The following NDEL1 variants were observed in gnomAD, a reference collection of about 807,000 sequenced individuals.
NDEL1 encodes the protein nudE neurodevelopment protein 1 like 1.
In NDEL1, 9 loss-of-function variants were observed where a neutral mutation model predicts 45.7. The observed-to-expected ratio is 0.20, with a 90% CI of 0.12 to 0.34. The LOEUF is 0.34. Among genes scored for constraint, NDEL1 ranks in the 10% least tolerant of loss-of-function variants. The pLI is 1.00. For synonymous variants in NDEL1, 133 were observed against 158.6 expected (o/e 0.84, Z 1.21); for missense variants, 306 against 406.2 (o/e 0.75, Z 2.12).
intron 1 of NDEL1, among the ~76,000 whole-genome samples, chr17:8,420,790 T>C (rs1307884357): frequency 6.6e-6 from 1 of 152,228 alleles, no homozygotes; most frequent in African/African-American, 2.4e-5. Flanking sequence ...GAATCATCAA[T>C]GTTAGGGATG....
chr17:8,462,159 G>T (rs1201187295), intron 8 of NDEL1, among the ~76,000 whole-genome samples: 3 of 151,816 alleles, frequency 2.0e-5, no homozygotes, highest in Admixed American at 2.0e-4. Context: ...TTTACTTCCT[G>T]AGCTGAACCC....
In NDEL1 at chr17:8,428,883, C is replaced by T. The variant is rs892364431; in HGVS notation, c.-12-15377C>T. 1.2e-4 allele frequency among the ~76,000 whole-genome samples: 18 copies of T among 152,056 alleles called. No individual in the cohort carries two copies. In the South Asian group the frequency reaches 3.1e-3, roughly 26 times the overall value. On this transcript the variant is annotated intron_variant, in intron 1 of 4. Coordinates refer to the NDEL1 transcript ENST00000582812. ...AGAGACGGGGTTTCACCGTGTTAGC[C>T]AAGATGGTCTCGATCTCCTGACCTT...
At chr17:8,448,348 A>G (rs140811697) in intron 4 of NDEL1, among the ~76,000 whole-genome samples, 453 of 152,298 alleles carry the variant, frequency 3.0e-3, no homozygotes, top group Admixed American at 4.6e-3. Context: ...TGGGAATTTA[A>G]AAGAATGTAT....
At chr17:8,470,199 G>C (rs2151747677), downstream of NDEL1, among the ~76,000 whole-genome samples, 1 of 152,272 alleles carries the variant, frequency 6.6e-6, no homozygotes, top group South Asian at 2.1e-4. The surrounding 1 kb of genome is among the most constrained non-coding windows in gnomAD (Gnocchi z 4.2). Context: ...CTGTCTAGCT[G>C]AAGAGTGCCT....
chr17:8,442,778 T>G (rs1282971971), intron 1 of NDEL1, among the ~76,000 whole-genome samples: 1 of 2,152 alleles, frequency 4.6e-4, no homozygotes. Context: ...ATTTATTTAC[T>G]TTTTTTTTTT....
intron 1 of NDEL1, among the ~76,000 whole-genome samples, chr17:8,418,757 TTCCCTCCC>T (rs748595051): frequency 4.0e-5 from 6 of 149,472 alleles, no homozygotes; most frequent in Non-Finnish European, 8.9e-5. Flanking sequence ...CCTTCCTTCC[TTCCCTCCC>T]TCCCTCCCTA....
intron 1 of NDEL1, among the ~76,000 whole-genome samples, chr17:8,416,437 G>A (rs906935181): frequency 2.0e-5 from 3 of 152,116 alleles, no homozygotes; most frequent in African/African-American, 7.2e-5. Context: ...TGAAGGGTCT[G>A]GCTTGATTTA....
chr17:8,471,985 C>G (rs746755177), downstream of NDEL1, among the ~76,000 whole-genome samples: 6 of 152,150 alleles, frequency 3.9e-5, no homozygotes, highest in Non-Finnish European at 7.3e-5. Context: ...CAAGGGGAGA[C>G]CTGCCTGGAA....
At position 8,440,929 on chromosome 17, in the gene NDEL1, A is replaced by T. The variant is rs80168262; in HGVS notation, c.-12-3331A>T. Among the ~76,000 whole-genome samples, 1,071 of 152,332 alleles carry T rather than the reference A, an allele frequency of 7.0e-3. 7 individuals are homozygous for T. The highest frequency in any genetic ancestry group is 0.011 in the Non-Finnish European group (719 of 68,046). On this transcript the variant is annotated intron_variant, in intron 1 of 8. Coordinates refer to ENST00000334527, the MANE Select transcript of NDEL1 (RefSeq NM_030808.5). Reference sequence around the variant, plus strand: ...GTGGACTCCTGAATAACATTTAGAGATTCAAAACAATCCTAACTCTTTTCG... The same window carrying T: ...GTGGACTCCTGAATAACATTTAGAGTTTCAAAACAATCCTAACTCTTTTCG...
chr17:8,431,505 C>T (rs1908997911), upstream of NDEL1: 2 of 152,152 alleles, frequency 1.3e-5, no homozygotes, highest in South Asian at 4.1e-4. Context: ...GTGCTCTAGC[C>T]CAATACATGG....
At chr17:8,436,875 C>T (rs1909381716) in intron 1 of NDEL1, among the ~76,000 whole-genome samples, 1 of 152,130 alleles carries the variant, frequency 6.6e-6, no homozygotes, top group Non-Finnish European at 1.5e-5. Flanking sequence ...TACTTAGGTT[C>T]AACCAACTGG....
At chr17:8,429,491 T>C (rs1200438607) in intron 1 of NDEL1, among the ~76,000 whole-genome samples, 2 of 152,028 alleles carry the variant, frequency 1.3e-5, no homozygotes, top group Non-Finnish European at 2.9e-5. Flanking sequence ...GGACTTTGAG[T>C]ATCAGGGAAG....
At chr17:8,435,114 G>A (rs1292659100), upstream of NDEL1, among the ~76,000 whole-genome samples, 7 of 152,058 alleles carry the variant, frequency 4.6e-5, no homozygotes, top group South Asian at 1.2e-3. Context: ...AAGATGGATT[G>A]TAAGAGGTAT....
At chr17:8,432,359 A>AATATATAT (rs1567722425), upstream of NDEL1, among the ~76,000 whole-genome samples, 3 of 59,820 alleles carry the variant, frequency 5.0e-5, no homozygotes, top group East Asian at 3.7e-4. Flanking sequence ...TATAAATATA[A>AATATATAT]ATATATATAT....
At chr17:8,432,736 GGACTGTAAGGTGATGTCTACT>G (rs1380809335), upstream of NDEL1, among the ~76,000 whole-genome samples, 1 of 151,994 alleles carries the variant, frequency 6.6e-6, no homozygotes, top group African/African-American at 2.4e-5. Context: ...AGCCAAATTG[GGACTGTAAGGTGATGTCTACT>G]GATTTTCCAC....
At chr17:8,432,317 AT>A (rs372587785), upstream of NDEL1, 2 of 53,768 alleles carry the variant, frequency 3.7e-5, no homozygotes, top group Non-Finnish European at 7.5e-5. Flanking sequence ...ATATATATAT[AT>A]TTATATATAA....
chr17:8,435,607 C>G (rs1053632331), upstream of NDEL1, among the ~76,000 whole-genome samples: 5 of 152,232 alleles, frequency 3.3e-5, no homozygotes, highest in African/African-American at 1.2e-4. Flanking sequence ...GGCCAGAAAA[C>G]TGAAGGCAGG....
intron 1 of NDEL1, among the ~76,000 whole-genome samples, chr17:8,442,623 T>C (rs1288452779): frequency 6.6e-6 from 1 of 151,564 alleles, no homozygotes; most frequent in Non-Finnish European, 1.5e-5. Context: ...CAAATATTTA[T>C]TGAACTTCCA....
chr17:8,421,707 G>A (rs1567719476), intron 1 of NDEL1, among the ~76,000 whole-genome samples: 1 of 152,222 alleles, frequency 6.6e-6, no homozygotes. Flanking sequence ...CCAGACCTTA[G>A]ATGCCCATGA....
Sources: gnomAD v4.1 joint callset for allele counts (sites outside exome capture counted in the v4.1 genomes callset) on GRCh38, gnomAD v4.1.1 for gene constraint, Gnocchi (gnomAD v3.1) non-coding constraint, MANE v1.5 for transcripts, NCBI Gene and HGNC (gene_info 2026-07-23, HGNC 2026-07-21) for gene names.